The following NRXN3 variants were observed in gnomAD, a reference collection of about 807,000 sequenced individuals.
NRXN3 encodes neurexin 3, also known as neurexin III.
In NRXN3, 32 loss-of-function variants were observed where a neutral mutation model predicts 137.6. The ratio of observed to expected loss-of-function variants is 0.23; its 90% CI spans 0.18 to 0.31. The LOEUF is 0.31. Among genes scored for constraint, NRXN3 ranks in the 10% least tolerant of loss-of-function variants. NRXN3 has a pLI of 1.00. For missense variants in NRXN3, 1,574 were observed against 2,062.5 expected, an observed-to-expected ratio of 0.76 and a Z score of 4.59; for synonymous variants, 798 against 784.5, an observed-to-expected ratio of 1.02 and a Z score of -0.29.
At chr14:79,115,222 G>T (rs2054215776) in intron 15 of NRXN3, among the ~76,000 whole-genome samples, 1 of 151,916 alleles carries the variant, frequency 6.6e-6, no homozygotes, top group African/African-American at 2.4e-5. Flanking sequence ...CTACTTGGGA[G>T]GCTGAGGCAG....
intron 15 of NRXN3, among the ~76,000 whole-genome samples, chr14:79,224,446 T>C (rs1183599206): frequency 6.6e-6 from 1 of 152,192 alleles, no homozygotes; most frequent in African/African-American, 2.4e-5. Context: ...TAGTTTAGTT[T>C]CTTACATATG....
chr14:79,721,442 T>C (rs2098844213), intron 19 of NRXN3, among the ~76,000 whole-genome samples: 1 of 152,102 alleles, frequency 6.6e-6, no homozygotes, highest in Non-Finnish European at 1.5e-5. Flanking sequence ...CTTGAAAATG[T>C]TGAAAACACA....
chr14:78,977,343 A>G (rs2099471241), intron 14 of NRXN3, among the ~76,000 whole-genome samples: 1 of 152,192 alleles, frequency 6.6e-6, no homozygotes, highest in Non-Finnish European at 1.5e-5. Flanking sequence ...ATGTTAGAGC[A>G]AAGTATTTTA....
chr14:78,605,588 A>G (rs2152451992), intron 4 of NRXN3, among the ~76,000 whole-genome samples: 1 of 152,290 alleles, frequency 6.6e-6, no homozygotes, highest in South Asian at 2.1e-4. Context: ...ATTACACATG[A>G]TCATAAAAAT....
chr14:79,690,449 AAT>A lies in NRXN3; in HGVS notation c.3617-1723_3617-1722del, dbSNP rs1465917178. Among the ~76,000 whole-genome samples, 10 of 152,166 alleles carry A rather than the reference AAT, an allele frequency of 6.6e-5. No individual in the cohort carries two copies. The East Asian group carries it at 1.7e-3, about 27-fold the overall frequency. On this transcript the variant is annotated intron_variant, in intron 17 of 20. Transcript: ENST00000335750. The stretch of plus-strand genomic sequence containing the variant: ...CTATGAGAAATGATTCCTTGAGGAA[AAT>A]TTTAAATTATCCACTGCAGTTCGAA...
At chr14:79,118,237 CA>C (rs2054805791) in intron 15 of NRXN3, among the ~76,000 whole-genome samples, 1 of 151,288 alleles carries the variant, frequency 6.6e-6, no homozygotes, top group Non-Finnish European at 1.5e-5. Context: ...TTTCTTTTAA[CA>C]AACAAGGATA....
intron 10 of NRXN3, among the ~76,000 whole-genome samples, chr14:78,935,041 T>C (rs2099331580): frequency 6.6e-6 from 1 of 152,150 alleles, no homozygotes; most frequent in Non-Finnish European, 1.5e-5. Context: ...TCCCTGGGCC[T>C]ACGGTTATGG....
intron 15 of NRXN3, among the ~76,000 whole-genome samples, chr14:79,461,593 G>A (rs1272366097): frequency 6.6e-6 from 1 of 152,126 alleles, no homozygotes; most frequent in African/African-American, 2.4e-5. Context: ...TTAAATTTAT[G>A]TCTCTATTTG....
At chr14:78,419,549 C>T (rs1598438690) in intron 4 of NRXN3, among the ~76,000 whole-genome samples, 1 of 152,016 alleles carries the variant, frequency 6.6e-6, no homozygotes, top group African/African-American at 2.4e-5. Context: ...TTTTTTATCC[C>T]ATCCATCCAG....
intron 4 of NRXN3, among the ~76,000 whole-genome samples, chr14:78,579,534 TAAAA>T (rs201034587): frequency 1.5e-5 from 2 of 137,788 alleles, no homozygotes; most frequent in African/African-American, 2.7e-5. Context: ...TGGTGGTGGT[TAAAA>T]AAAAAAAAAA....
intron 15 of NRXN3, among the ~76,000 whole-genome samples, chr14:79,024,559 T>C (rs2152459592): frequency 6.6e-6 from 1 of 152,192 alleles, no homozygotes; most frequent in African/African-American, 2.4e-5. Context: ...ATGGGTAAGT[T>C]TTGTGGGTAG....
chr14:79,026,859 C>T (rs866532834), intron 15 of NRXN3, among the ~76,000 whole-genome samples: 27 of 150,368 alleles, frequency 1.8e-4, no homozygotes, highest in African/African-American at 6.6e-4. Flanking sequence ...AGAGTGAAAT[C>T]CAATTAGCAA....
chr14:78,843,814 A>G (rs1479582431), intron 10 of NRXN3, among the ~76,000 whole-genome samples: 1 of 152,150 alleles, frequency 6.6e-6, no homozygotes, highest in Non-Finnish European at 1.5e-5. Flanking sequence ...AAGGACCTAG[A>G]TTTTAAGTTG....
chr14:78,389,056 CTTT>C (rs5809885), intron 4 of NRXN3, among the ~76,000 whole-genome samples: 51 of 135,548 alleles, frequency 3.8e-4, no homozygotes, highest in Non-Finnish European at 3.7e-4. Flanking sequence ...GTTTAAGTTT[CTTT>C]TTTTTTTTTT....
At chr14:78,434,786 T>A (rs2094006445) in intron 4 of NRXN3, among the ~76,000 whole-genome samples, 2 of 152,108 alleles carry the variant, frequency 1.3e-5, no homozygotes, top group African/African-American at 4.8e-5. Context: ...CCATGATCAA[T>A]GGGTTGCAAG....
chr14:79,660,116 C>A (rs532886279), intron 16 of NRXN3, among the ~76,000 whole-genome samples: 1 of 152,238 alleles, frequency 6.6e-6, no homozygotes, highest in African/African-American at 2.4e-5. Context: ...AAAGCCAATG[C>A]TTTTGTTCCC....
intron 10 of NRXN3, among the ~76,000 whole-genome samples, chr14:78,866,197 A>T (rs1386007402): frequency 6.6e-6 from 1 of 152,184 alleles, no homozygotes; most frequent in Non-Finnish European, 1.5e-5. Flanking sequence ...TACCCAGAGA[A>T]GCATAGCTCT....
intron 15 of NRXN3, among the ~76,000 whole-genome samples, chr14:79,252,682 A>G (rs1486994399): frequency 6.6e-6 from 1 of 152,178 alleles, no homozygotes; most frequent in African/African-American, 2.4e-5. Context: ...AATGTTAAGT[A>G]TTACATTGAA....
At chr14:78,280,400 G>A (rs761275484) in intron 3 of NRXN3, among the ~76,000 whole-genome samples, 3 of 152,212 alleles carry the variant, frequency 2.0e-5, no homozygotes, top group Admixed American at 1.3e-4. Flanking sequence ...GGATAGAGGA[G>A]AAGTCCCTAA....
Sources: allele counts gnomAD v4.1 joint callset (sites outside exome capture counted in the v4.1 genomes callset), GRCh38; gene constraint gnomAD v4.1.1; transcripts MANE v1.5; gene names NCBI Gene and HGNC (gene_info 2026-07-23, HGNC 2026-07-21).